Variants in GALNT17 observed in about 807,000 individuals in gnomAD.
The protein encoded by GALNT17 is UDP-GalNAc:polypeptide N-acetylgalactosaminyltransferase-like 3.
Under a neutral mutation model 63.7 loss-of-function variants are expected in GALNT17, and 29 were observed. The observed-to-expected ratio is 0.46, with a 90% CI of 0.34 to 0.62. The LOEUF is 0.62. Ranked by LOEUF, GALNT17 falls within the 20% of genes least tolerant of loss-of-function variation. The pLI, the probability that GALNT17 is intolerant of heterozygous loss-of-function variation, is 0.01. For missense variants in GALNT17, 603 were observed against 799.6 expected, an observed-to-expected ratio of 0.75 and a Z score of 2.97; for synonymous variants, 305 against 318.3, an observed-to-expected ratio of 0.96 and a Z score of 0.45.
At chr7:71,412,080 T>A (rs1180945987) in intron 3 of GALNT17, among the ~76,000 whole-genome samples, 1 of 152,202 alleles carries the variant, frequency 6.6e-6, no homozygotes, top group Non-Finnish European at 1.5e-5. Context: ...GTCCCGTCTG[T>A]ACCGCCTTGA....
intron 2 of GALNT17, among the ~76,000 whole-genome samples, chr7:71,373,033 T>C (rs1466611096): frequency 6.6e-6 from 1 of 152,196 alleles, no homozygotes. Context: ...ATTGCGTGTC[T>C]CATTAGCATG....
chr7:71,684,602 G>T (rs1360890611), intron 9 of GALNT17, among the ~76,000 whole-genome samples: 3 of 152,146 alleles, frequency 2.0e-5, no homozygotes, highest in African/African-American at 4.8e-5. Flanking sequence ...TCTGTTTTTG[G>T]TGACATGTTT....
In GALNT17 at chr7:71,260,611, C is replaced by CTT. The variant is rs55738020; in HGVS notation, c.239-74929_239-74928dup. Reference sequence around the variant, plus strand: ...GGATTTTTTAAAATCTTTTTTTAATCTTTTTTTTTTTGAGACAGTCTTGCT... The same window carrying CTT: ...GGATTTTTTAAAATCTTTTTTTAATCTTTTTTTTTTTTTGAGACAGTCTTGCT... On this transcript the variant is annotated intron_variant, in intron 1 of 10. Coordinates refer to ENST00000333538, the MANE Select transcript of GALNT17 (RefSeq NM_022479.3). Among the ~76,000 whole-genome samples, 1,204 of 146,956 alleles carry CTT rather than the reference C, an allele frequency of 8.2e-3. 11 individuals are homozygous for CTT. The highest frequency in any genetic ancestry group is 0.017 in the African/African-American group (663 of 40,074).
Position 71,682,218 on chromosome 7 carries a change from C to T in GALNT17, c.1500+4912C>T, listed in dbSNP as rs116110871. On this transcript the variant is annotated intron_variant, in intron 9 of 10. Coordinates refer to ENST00000333538, the MANE Select transcript of GALNT17 (RefSeq NM_022479.3). ...CTGGGATTACAGGCAAGAGCCACTGCGCCCGGCCTCAGGGGAAGGTTTTTA... is the reference window on the plus strand; with the variant it reads ...CTGGGATTACAGGCAAGAGCCACTGTGCCCGGCCTCAGGGGAAGGTTTTTA... Among the ~76,000 whole-genome samples the T allele has an allele frequency of 2.7e-3, 410 of 151,918 alleles. 3 individuals carry two copies. Among genetic ancestry groups the T allele is most frequent in the African/African-American group, 9.0e-3 (373 of 41,296 alleles).
chr7:71,278,951 G>A (rs1790731900), intron 1 of GALNT17, among the ~76,000 whole-genome samples: 1 of 150,372 alleles, frequency 6.7e-6, no homozygotes, highest in Non-Finnish European at 1.5e-5. Context: ...AATTGAGATG[G>A]AGTCTCGCTA....
At position 71,687,165 on chromosome 7, in the gene GALNT17, G is replaced by A. The variant is rs576132989; in HGVS notation, c.1500+9859G>A. Among the ~76,000 whole-genome samples, 7 of 152,204 alleles carry A rather than the reference G, an allele frequency of 4.6e-5. No individual in the cohort carries two copies. In the South Asian group the frequency reaches 6.2e-4, roughly 14 times the overall value. On this transcript the variant is annotated intron_variant, in intron 9 of 10. Transcript: ENST00000333538. ...TTAATACATTTTCCTCCTCTTCTCC[G>A]TCCTTTCCGAGAGACTCAACGTTTC...
chr7:71,353,995 G>A (rs1792235113), intron 2 of GALNT17, among the ~76,000 whole-genome samples: 1 of 152,114 alleles, frequency 6.6e-6, no homozygotes, highest in South Asian at 2.1e-4. Context: ...TTTCTCACAT[G>A]GTGGGAGCAG....
chr7:71,169,708 A>C (rs1282070405), intron 1 of GALNT17, among the ~76,000 whole-genome samples: 1 of 151,994 alleles, frequency 6.6e-6, no homozygotes, highest in African/African-American at 2.4e-5. Context: ...GGTGCATGCC[A>C]TCACGCCTGG....
At chr7:71,666,183 T>C (rs933206441) in intron 7 of GALNT17, among the ~76,000 whole-genome samples, 6 of 151,998 alleles carry the variant, frequency 3.9e-5, no homozygotes, top group African/African-American at 1.4e-4. Context: ...TCTGTACCAT[T>C]CATCCCTTGG....
Position 71,271,734 on chromosome 7 carries a change from C to G in GALNT17, c.239-63816C>G, listed in dbSNP as rs971761976. On this transcript the variant is annotated intron_variant, in intron 1 of 10. Coordinates refer to ENST00000333538, the MANE Select transcript of GALNT17 (RefSeq NM_022479.3). ...GTCTCCAACTCATCCTTAGCAATCA[C>G]TGATCTGTTCTCTAATTCTTCCTGT... Among the ~76,000 whole-genome samples the G allele has an allele frequency of 4.0e-5, 6 of 150,536 alleles. No individual in the cohort carries two copies. The East Asian group carries it at 1.2e-3, about 30-fold the overall frequency.
intron 4 of GALNT17, among the ~76,000 whole-genome samples, chr7:71,420,109 A>G (rs1400698327): frequency 6.6e-6 from 1 of 152,114 alleles, no homozygotes; most frequent in Non-Finnish European, 1.5e-5. Context: ...TCCTTCTCGA[A>G]TATGGGAAAT....
chr7:71,516,021 T>A (rs1011914316), intron 5 of GALNT17, among the ~76,000 whole-genome samples: 17 of 152,150 alleles, frequency 1.1e-4, no homozygotes, highest in Non-Finnish European at 1.9e-4. Context: ...AGCAGCCGAT[T>A]ATGCATTTAT....
chr7:71,617,463 A>G (rs557674998), intron 6 of GALNT17, among the ~76,000 whole-genome samples: 26 of 151,786 alleles, frequency 1.7e-4, no homozygotes, highest in African/African-American at 5.6e-4. Context: ...CTGGGACTAC[A>G]GGTGCCCACC....
intron 1 of GALNT17, among the ~76,000 whole-genome samples, chr7:71,210,811 C>T (rs560100376): frequency 5.9e-5 from 9 of 152,152 alleles, no homozygotes; most frequent in Admixed American, 5.9e-4. Context: ...GCATTGTTAC[C>T]AAGATTATAT....
intron 8 of GALNT17, among the ~76,000 whole-genome samples, chr7:71,674,549 T>C (rs1791119597): frequency 6.6e-6 from 1 of 151,990 alleles, no homozygotes; most frequent in African/African-American, 2.4e-5. Flanking sequence ...ACAGCCTTGC[T>C]CTGTCACCCA....
At chr7:71,655,150 G>A (rs1790810458) in intron 6 of GALNT17, among the ~76,000 whole-genome samples, 1 of 152,124 alleles carries the variant, frequency 6.6e-6, no homozygotes, top group Admixed American at 6.5e-5. Context: ...AGCTACTCGG[G>A]AGGCTGGGGC....
intron 1 of GALNT17, among the ~76,000 whole-genome samples, chr7:71,329,581 G>A (rs1240538054): frequency 3.3e-5 from 5 of 152,030 alleles, no homozygotes; most frequent in Admixed American, 3.3e-4. Flanking sequence ...TGGTTTGGAG[G>A]CCTCAGGAAA....
chr7:71,401,782 A>C (rs62462212), intron 3 of GALNT17, among the ~76,000 whole-genome samples: 11,925 of 152,268 alleles, frequency 0.078, 580 homozygotes, highest in Middle Eastern at 0.2. Flanking sequence ...TAGTTGTAGA[A>C]AAACAAGCTC....
chr7:71,483,538 TTGTAAACAC>T (rs1389848562), intron 5 of GALNT17, among the ~76,000 whole-genome samples: 2 of 151,978 alleles, frequency 1.3e-5, no homozygotes, highest in Non-Finnish European at 2.9e-5. Context: ...GAGGTAGACT[TTGTAAACAC>T]TGTATGGTTA....
Sources: allele counts gnomAD v4.1 joint callset (sites outside exome capture counted in the v4.1 genomes callset), GRCh38; gene constraint gnomAD v4.1.1; transcripts MANE v1.5; gene names NCBI Gene and HGNC (gene_info 2026-07-23, HGNC 2026-07-21).